Variants in ADAMTSL3 observed in about 807,000 individuals in gnomAD.
ADAMTSL3 encodes the protein ADAMTS-like protein 3.
A neutral mutation model predicts 201.7 loss-of-function variants in ADAMTSL3; 128 were observed. That is an observed-to-expected ratio of 0.63 (90% confidence interval 0.55 to 0.73). The LOEUF (loss-of-function observed/expected upper bound fraction) is 0.73, where lower values mean the gene tolerates loss of function less well. Among genes scored for constraint, ADAMTSL3 ranks in the 30% least tolerant of loss-of-function variants. ADAMTSL3 has a pLI of 0.00. For synonymous variants in ADAMTSL3, 738 were observed against 748.4 expected (o/e 0.99, Z 0.23); for missense variants, 1,990 against 2,119.6 (o/e 0.94, Z 1.20).
At chr15:83,983,419 T>G in intron 21 of ADAMTSL3, 75 bp downstream of exon 21, 1 of 1,125,658 alleles carries the variant, frequency 8.9e-7, no homozygotes, top group Non-Finnish European at 1.2e-6. Context: ...TTGAAAATAT[T>G]TTCAAATTCC....
Position 83,756,083 on chromosome 15 carries a change from T to A in ADAMTSL3, c.190-17440T>A, listed in dbSNP as rs528312219. ...GCCCCCTGCTTTCAATACTTTTGGG[T>A]ATATACACAGCAGTGGAATTGCTGG... On this transcript the variant is annotated intron_variant, in intron 3 of 29. Coordinates refer to ENST00000286744, the MANE Select transcript of ADAMTSL3 (RefSeq NM_207517.3). Among the ~76,000 whole-genome samples the A allele has an allele frequency of 3.9e-5, 6 of 152,318 alleles. No individual in the cohort carries two copies. In the South Asian group the frequency reaches 1.0e-3, roughly 26 times the overall value.
intron 3 of ADAMTSL3, among the ~76,000 whole-genome samples, chr15:83,724,687 TC>T (rs2062147922): frequency 6.6e-6 from 1 of 151,776 alleles, no homozygotes; most frequent in Non-Finnish European, 1.5e-5. Context: ...CATCCCCACT[TC>T]CCCCACCGCC....
At chr15:83,671,227 T>G (rs2061325445) in intron 2 of ADAMTSL3, among the ~76,000 whole-genome samples, 1 of 152,208 alleles carries the variant, frequency 6.6e-6, no homozygotes, top group African/African-American at 2.4e-5. Context: ...CTGTTTAAAT[T>G]GCACAGAAAT....
At chr15:83,910,105 A>G (rs1370405266) in intron 15 of ADAMTSL3, among the ~76,000 whole-genome samples, 3 of 152,060 alleles carry the variant, frequency 2.0e-5, no homozygotes, top group Admixed American at 6.5e-5. Context: ...TTTCCTAGTT[A>G]TGAATTGTTA....
intron 4 of ADAMTSL3, among the ~76,000 whole-genome samples, chr15:83,801,637 AATATATAAATATAAATATATATATAT>A (rs1440204327): frequency 9.4e-5 from 5 of 53,340 alleles, no homozygotes; most frequent in South Asian, 6.5e-4. Flanking sequence ...TATATATATA[AATATATAAATATAAATATATATATAT>A]ATATATATAT....
chr15:84,009,763 C>T (rs935209519), intron 23 of ADAMTSL3, among the ~76,000 whole-genome samples: 3 of 152,194 alleles, frequency 2.0e-5, no homozygotes, highest in Non-Finnish European at 4.4e-5. Context: ...GTCTCATGGT[C>T]CCCGGGTTGA....
chr15:83,945,355 G>A (rs1011472607), intron 19 of ADAMTSL3, among the ~76,000 whole-genome samples: 2 of 152,202 alleles, frequency 1.3e-5, no homozygotes, highest in Non-Finnish European at 2.9e-5. Flanking sequence ...CCCAAAGGAG[G>A]GTGGGAAGGA....
intron 15 of ADAMTSL3, among the ~76,000 whole-genome samples, chr15:83,912,319 G>A (rs1042357720): frequency 2.0e-4 from 31 of 152,180 alleles, no homozygotes; most frequent in Admixed American, 1.5e-3. Flanking sequence ...AGTTATGCAC[G>A]GTAAAATTTA....
rs1288574533 is a variant in ADAMTSL3 at position 83,983,098 on chromosome 15, G to A, written c.3470G>A (p.Ser1157Asn). ...PAAQLRGETGSVSQSSHAKNS... is the reference protein window; with the variant it reads ...PAAQLRGETGNVSQSSHAKNS... ...GCTCAGCTCAGAGGGGAAACAGGGAGTGTGTCCCAAAGCTCGCATGCAAAA... is the reference window on the plus strand; with the variant it reads ...GCTCAGCTCAGAGGGGAAACAGGGAATGTGTCCCAAAGCTCGCATGCAAAA... Residue 1157 changes from serine to asparagine, a missense_variant, in exon 21 of 30, where the codon AGT becomes AAT. Physicochemically the swap from Ser to Asn is conservative, Grantham distance 46. Transcript: ENST00000286744. 1.2e-6 allele frequency: 2 copies of A among 1,614,010 alleles called. No individual in the cohort carries two copies. Among genetic ancestry groups the A allele is most frequent in the African/African-American group, 2.7e-5 (2 of 74,922 alleles).
rs2063025556 is a variant in ADAMTSL3, at chr15:83,773,707, G to A, written c.317+57G>A. On this transcript the variant is annotated intron_variant, in intron 4 of 29. Coordinates refer to ENST00000286744, the MANE Select transcript of ADAMTSL3 (RefSeq NM_207517.3). ...GGAATGTGCCAGTGCCTCTGGATGGGTGGAGAGGAGAGATAACTTTATATG... is the reference window on the plus strand; with the variant it reads ...GGAATGTGCCAGTGCCTCTGGATGGATGGAGAGGAGAGATAACTTTATATG... 1.0e-5 allele frequency: 16 copies of A among 1,558,154 alleles called. No individual in the cohort carries two copies. In the East Asian group the frequency reaches 3.1e-4, roughly 31 times the overall value.
intron 19 of ADAMTSL3, among the ~76,000 whole-genome samples, chr15:83,962,814 T>A (rs988673758): frequency 1.3e-5 from 2 of 152,136 alleles, no homozygotes; most frequent in African/African-American, 4.8e-5. Context: ...CCAACAGAGG[T>A]ACTGGCTCAT....
intron 2 of ADAMTSL3, among the ~76,000 whole-genome samples, chr15:83,671,062 G>T (rs2061323980): frequency 6.6e-6 from 1 of 152,160 alleles, no homozygotes; most frequent in Admixed American, 6.5e-5. Context: ...TTAATATTCA[G>T]CTGGATTTGG....
rs564223966 is a variant in ADAMTSL3 at position 84,003,010 on chromosome 15, T to C, written c.3974-11532T>C. On this transcript the variant is annotated intron_variant, in intron 23 of 29. Transcript: ENST00000286744. ...AAGCTGGAGTGCCACTGCAGTGCCATGCAGTGGCATGATCATAGCTCACTG... is the reference window on the plus strand; with the variant it reads ...AAGCTGGAGTGCCACTGCAGTGCCACGCAGTGGCATGATCATAGCTCACTG... 5.7e-5 allele frequency among the ~76,000 whole-genome samples: 8 copies of C among 140,428 alleles called. No homozygotes were observed. In the East Asian group the frequency reaches 1.8e-3, roughly 32 times the overall value. The allele number at this position is 140,428 out of a possible 152,430, so 92.1% of individuals were successfully genotyped here. A position where few individuals can be genotyped will look rare whatever the true frequency, so the allele number is the denominator to read the frequency against.
At chr15:83,698,945 C>G (rs1314047019) in intron 2 of ADAMTSL3, among the ~76,000 whole-genome samples, 1 of 151,872 alleles carries the variant, frequency 6.6e-6, no homozygotes, top group Non-Finnish European at 1.5e-5. Context: ...CCTTTTTATT[C>G]TACTCTAATT....
chr15:83,784,002 A>G (rs551851608), intron 4 of ADAMTSL3, among the ~76,000 whole-genome samples: 9 of 152,126 alleles, frequency 5.9e-5, no homozygotes, highest in Admixed American at 3.3e-4. Context: ...CTTTAGACCT[A>G]TTGCAGCTTT....
intron 2 of ADAMTSL3, among the ~76,000 whole-genome samples, chr15:83,674,054 T>TTG (rs2141398600): frequency 6.7e-6 from 1 of 148,750 alleles, no homozygotes; most frequent in East Asian, 1.9e-4. Context: ...ATTTTTATGT[T>TTG]TTTTTTTTTT....
At chr15:83,714,764 TTTC>T (rs2061980358) in intron 3 of ADAMTSL3, among the ~76,000 whole-genome samples, 2 of 110,122 alleles carry the variant, frequency 1.8e-5, no homozygotes, top group African/African-American at 6.1e-5. Flanking sequence ...CCCTTTTCTC[TTTC>T]TTTCTTTCTT....
intron 2 of ADAMTSL3, among the ~76,000 whole-genome samples, chr15:83,674,712 TAC>T (rs113206355): frequency 7.2e-6 from 1 of 139,034 alleles, no homozygotes; most frequent in Non-Finnish European, 1.5e-5. Context: ...TATACATATA[TAC>T]ACACATATAT....
At chr15:83,921,991 C>G (rs1231293564) in intron 16 of ADAMTSL3, among the ~76,000 whole-genome samples, 1 of 152,056 alleles carries the variant, frequency 6.6e-6, no homozygotes, top group Non-Finnish European at 1.5e-5. Context: ...CCTCATGCTA[C>G]AAAAGGAATT....
Sources: gnomAD v4.1 joint callset for allele counts (sites outside exome capture counted in the v4.1 genomes callset) on GRCh38, gnomAD v4.1.1 for gene constraint, MANE v1.5 for transcripts, NCBI Gene and HGNC (gene_info 2026-07-23, HGNC 2026-07-21) for gene names.